DST: variants seen among roughly 807,000 people sequenced by gnomAD.
The protein encoded by DST is dystonin.
DST carries 253 observed loss-of-function variants against 875.2 expected under a neutral mutation model. The ratio of observed to expected loss-of-function variants is 0.29; its 90% CI spans 0.26 to 0.32. DST has a LOEUF of 0.32. Ranked by LOEUF, DST falls within the 10% of genes least tolerant of loss-of-function variation. DST has a pLI of 1.00. For synonymous variants in DST, 3,124 were observed against 3,197.1 expected (o/e 0.98, Z 0.77); for missense variants, 8,287 against 9,111.6 (o/e 0.91, Z 3.68).
At chr6:56,698,301 T>A (rs1206062507) in intron 9 of DST, among the ~76,000 whole-genome samples, 1 of 151,830 alleles carries the variant, frequency 6.6e-6, no homozygotes, top group Non-Finnish European at 1.5e-5. Context: ...CTACGTAACC[T>A]GTATTTCAGC....
At chr6:56,460,510 C>A (rs757091987) in intron 102 of DST, 5 of 341,790 alleles carry the variant, frequency 1.5e-5, no homozygotes, top group African/African-American at 2.1e-5. Flanking sequence ...AAAATGGAGA[C>A]CCCCAAAACT....
rs188112873 is a variant in DST, at chr6:56,942,659, A to G, written c.216+11126T>C. Among the ~76,000 whole-genome samples the G allele has an allele frequency of 3.6e-4, 55 of 151,544 alleles. No homozygotes were observed. The East Asian group carries it at 9.9e-3, about 27-fold the overall frequency. Reference sequence around the variant, plus strand: ...ATATATTTTATACACCCCACAGGACAATGTTATAATTTGTGCTTTATATTT... The same window carrying G: ...ATATATTTTATACACCCCACAGGACGATGTTATAATTTGTGCTTTATATTT... On this transcript the variant is annotated intron_variant, in intron 2 of 103. Coordinates refer to ENST00000680361, the MANE Select transcript of DST (RefSeq NM_001374736.1).
chr6:56,834,855 A>C (rs1469035714), intron 4 of DST, among the ~76,000 whole-genome samples: 1 of 152,182 alleles, frequency 6.6e-6, no homozygotes, highest in Non-Finnish European at 1.5e-5. Flanking sequence ...ACTCCTTTAC[A>C]CAAATGACTT....
At position 56,639,568 on chromosome 6, in the gene DST, T is replaced by C. The variant is rs771140554; in HGVS notation, c.2741A>G (p.Asn914Ser). ...TTCATTAGTCGCACGACTTACAAAA[T>C]TATGGAGTGTATCAAGGTGCCGTTC... is the stretch of plus-strand genomic sequence containing the variant. ...NQERHLDTLH[N>S]FVSRATNELI... Residue 914 changes from asparagine to serine, a missense_variant, in exon 21 of 104, where the codon AAT (asparagine) becomes AGT (serine). Asn to Ser is a conservative substitution (Grantham distance 46). Transcript: ENST00000680361. 1.2e-6 allele frequency: 2 copies of C among 1,613,786 alleles called. No homozygotes were observed. The highest frequency in any genetic ancestry group is 1.3e-5 in the African/African-American group (1 of 74,918).
At position 56,608,391 on chromosome 6, in the gene DST, T is replaced by C. The variant is rs373077770; in HGVS notation, c.6237A>G (p.Glu2079=). 8 of 1,613,186 alleles carry C rather than the reference T, an allele frequency of 5.0e-6. No individual in the cohort carries two copies. In the African/African-American group the frequency reaches 9.3e-5, roughly 19 times the overall value. ...YVGLIWPHSG[E]IFPTSSSLQQ... ...GCAAGGAAGATGATGTGGGAAATAT[T>C]TCACCAGAATGGGGCCAAATGAGTC... The change falls in exon 40 of 104, where the codon GAA becomes GAG. Residue 2079 remains glutamate (E), a synonymous_variant. Coordinates refer to ENST00000680361, the MANE Select transcript of DST (RefSeq NM_001374736.1).
At chr6:56,817,212 C>CT (rs955850637) in intron 4 of DST, among the ~76,000 whole-genome samples, 1 of 152,070 alleles carries the variant, frequency 6.6e-6, no homozygotes, top group African/African-American at 2.4e-5. Flanking sequence ...TGGCATCTCC[C>CT]TTTCTAGTGT....
At chr6:56,865,980 TTTTGTTTTTTTGTTTG>T (rs1227917728) in intron 3 of DST, among the ~76,000 whole-genome samples, 1 of 152,010 alleles carries the variant, frequency 6.6e-6, no homozygotes, top group Non-Finnish European at 1.5e-5. Context: ...TTTTTTTTGT[TTTTGTTTTTTTGTTTG>T]TTTGTTTTGA....
At chr6:56,486,678 G>A (rs930353977) in intron 87 of DST, among the ~76,000 whole-genome samples, 6 of 152,120 alleles carry the variant, frequency 3.9e-5, no homozygotes, top group Non-Finnish European at 7.4e-5. Context: ...TACCTTGCAC[G>A]TCACATTAAG....
intron 3 of DST, among the ~76,000 whole-genome samples, chr6:56,874,102 GA>G (rs1778604102): frequency 6.6e-6 from 1 of 152,186 alleles, no homozygotes; most frequent in African/African-American, 2.4e-5. Flanking sequence ...GCAACACAGA[GA>G]GACCCTGTCT....
chr6:56,721,225 C>A (rs1008100646), intron 5 of DST, among the ~76,000 whole-genome samples: 1 of 149,486 alleles, frequency 6.7e-6, no homozygotes, highest in South Asian at 2.1e-4. Context: ...AGCTGCCAGG[C>A]GGGGGCACTA....
chr6:56,527,219 C>A (rs1329717757), intron 68 of DST, among the ~76,000 whole-genome samples: 1 of 152,020 alleles, frequency 6.6e-6, no homozygotes, highest in Non-Finnish European at 1.5e-5. Flanking sequence ...TGATCATTTT[C>A]CTTTTTTTTT....
Position 56,552,370 on chromosome 6 carries a change from G to A in DST, c.16422C>T (p.Asn5474=), listed in dbSNP as rs1161975250. 3 of 1,613,834 alleles carry A rather than the reference G, an allele frequency of 1.9e-6. No homozygotes were observed. Among genetic ancestry groups the A allele is most frequent in the East Asian group, 4.5e-5 (2 of 44,896 alleles). Residue 5474 remains asparagine (N), a synonymous_variant, in exon 61 of 104, where the codon AAC becomes AAT. Transcript: ENST00000680361. The part of the protein sequence containing the change: ...RDLEALSKQC[N]KLLDRAQARE... ...TGGCTTGGGCTCGGTCCAGTAACTT[G>A]TTGCATTGTTTGCTTAAGGCCTCCA... is the stretch of plus-strand genomic sequence containing the variant.
chr6:56,758,539 G>C (rs1033508412), intron 4 of DST, among the ~76,000 whole-genome samples: 1 of 152,168 alleles, frequency 6.6e-6, no homozygotes, highest in Non-Finnish European at 1.5e-5. Flanking sequence ...CCAGGTACAA[G>C]GGGGGCAGGT....
intron 100 of DST, 49 bp from the exon 101 acceptor site, chr6:56,463,813 A>G: frequency 6.3e-7 from 1 of 1,592,532 alleles, no homozygotes; most frequent in Non-Finnish European, 8.6e-7. Flanking sequence ...ACGGAAAAGA[A>G]GAGGCGCTCA....
At chr6:56,946,056 T>C (rs965612880) in intron 2 of DST, among the ~76,000 whole-genome samples, 1 of 152,174 alleles carries the variant, frequency 6.6e-6, no homozygotes, top group Non-Finnish European at 1.5e-5. Flanking sequence ...GTACGTAAAT[T>C]ATATCTCAAT....
rs758942872 is a variant in DST at position 56,640,364 on chromosome 6, G to A, written c.2269C>T (p.Arg757Cys). The A allele has an allele frequency of 2.7e-5, 43 of 1,614,034 alleles. No individual in the cohort carries two copies. Among genetic ancestry groups the A allele is most frequent in the East Asian group, 2.5e-4 (11 of 44,894 alleles). Residue 757 changes from arginine (R) to cysteine (C), a missense_variant, in exon 18 of 104, where the codon CGC becomes TGC. By Grantham distance (180) the Arg-to-Cys change is radical. Around this residue, in one of 10 missense-constraint regions of DST, gnomAD observed 1,160 missense variants for 1,424.3 expected, o/e 0.81. Coordinates refer to ENST00000680361, the MANE Select transcript of DST (RefSeq NM_001374736.1). Reference sequence around the variant, plus strand: ...GCTGGAGTGACAGATGGAGTCAGGCGGGAAGTCATCCCTGATGACAGGCCA... The same window carrying A: ...GCTGGAGTGACAGATGGAGTCAGGCAGGAAGTCATCCCTGATGACAGGCCA... ...TSGLSSGMTSRLTPSVTPAYT... is the reference protein window; with the variant it reads ...TSGLSSGMTSCLTPSVTPAYT...
intron 61 of DST, among the ~76,000 whole-genome samples, chr6:56,544,375 C>T (rs2097188093): frequency 6.6e-6 from 1 of 152,158 alleles, no homozygotes; most frequent in African/African-American, 2.4e-5. Context: ...ATTCAGTTCA[C>T]CTTAGACTCT....
intron 37 of DST, among the ~76,000 whole-genome samples, chr6:56,612,585 T>C (rs1027681161): frequency 6.6e-6 from 1 of 152,086 alleles, no homozygotes; most frequent in Non-Finnish European, 1.5e-5. Context: ...TTAGCAGAAA[T>C]AAGAGGAAAT....
Position 56,608,082 on chromosome 6 carries a change from A to G in DST, c.6546T>C (p.Val2182=). 6.2e-7 allele frequency: 1 copy of G among 1,613,616 alleles called. No individual in the cohort carries two copies. Among genetic ancestry groups the G allele is most frequent in the South Asian group, 1.1e-5 (1 of 91,050 alleles). The stretch of plus-strand genomic sequence containing the variant: ...TAGTGACAGGTTCTTCTCCATCAAA[A>G]ACATCCTCTTCTTGTCTGTAATCAT... ...TVHDYRQEED[V]FDGEEPVTTQ... Residue 2182 remains valine (V), a synonymous_variant, in exon 40 of 104, where the codon GTT becomes GTC. Transcript: ENST00000680361.
Sources: allele counts gnomAD v4.1 joint callset (sites outside exome capture counted in the v4.1 genomes callset), GRCh38; gene constraint gnomAD v4.1.1; regional missense constraint gnomAD v4.1.1; transcripts MANE v1.5; gene names NCBI Gene and HGNC (gene_info 2026-07-23, HGNC 2026-07-21).